LLGL1: variants seen among roughly 807,000 people sequenced by gnomAD.
LLGL1 encodes the protein LLGL scribble cell polarity complex component 1, also known as lethal(2) giant larvae protein homolog 1.
In LLGL1, 58 loss-of-function variants were observed where a neutral mutation model predicts 110.6. The ratio of observed to expected loss-of-function variants is 0.52; its 90% confidence interval spans 0.42 to 0.65. LLGL1 has a LOEUF of 0.65. LLGL1 is among the 30% of genes least tolerant of loss of function. The probability of loss-of-function intolerance (pLI) is 0.00; values close to 1 mark genes in which losing one functional copy is unlikely to be tolerated. For missense variants in LLGL1, 1,229 were observed against 1,462.1 expected (o/e 0.84, Z 2.60); for synonymous variants, 674 against 607.2 (o/e 1.11, Z -1.62).
At position 18,242,153 on chromosome 17, in the gene LLGL1, C is replaced by G; in HGVS notation, c.2883-13C>G. 1 of 1,605,616 alleles carries G rather than the reference C, an allele frequency of 6.2e-7. No individual in the cohort carries two copies. The highest frequency in any genetic ancestry group is 8.5e-7 in the Non-Finnish European group (1 of 1,172,458). The stretch of plus-strand genomic sequence containing the variant: ...ATCCACCTATGGTCCCCATCATGGC[C>G]CCATCTCTGCAGTTACAGGATCCGA... On this transcript the variant is annotated splice_polypyrimidine_tract_variant and intron_variant, in intron 19 of 22. Transcript: ENST00000316843.
chr17:18,243,415 C>T (rs936389982), intron 22 of LLGL1, among the ~76,000 whole-genome samples: 2 of 152,176 alleles, frequency 1.3e-5, no homozygotes, highest in South Asian at 4.1e-4. Flanking sequence ...CCAACAAGAC[C>T]AGATTAAACC....
At chr17:18,226,251 G>C (rs896856611) in intron 1 of LLGL1, among the ~76,000 whole-genome samples, 2 of 152,096 alleles carry the variant, frequency 1.3e-5, no homozygotes, top group Non-Finnish European at 2.9e-5. Flanking sequence ...GTCTCTCCCT[G>C]CGTGTCTCTC....
intron 15 of LLGL1, 71 bp from the exon 16 acceptor site, chr17:18,238,385 G>C: frequency 6.4e-7 from 1 of 1,571,268 alleles, no homozygotes; most frequent in South Asian, 1.2e-5. Flanking sequence ...GTAACAGAAC[G>C]TAGGGCGCAA....
At chr17:18,228,872 C>T (rs1005434973) in intron 1 of LLGL1, among the ~76,000 whole-genome samples, 3 of 151,808 alleles carry the variant, frequency 2.0e-5, no homozygotes, top group African/African-American at 7.3e-5. Context: ...TGTGACTTGC[C>T]CAAGGCCAGA....
intron 1 of LLGL1, 124 bp downstream of exon 1, chr17:18,225,887 G>A (rs2047426743): frequency 3.9e-6 from 1 of 257,424 alleles, no homozygotes; most frequent in East Asian, 1.8e-4. Flanking sequence ...CGCGGCGCGG[G>A]GCGGGGCCGG....
chr17:18,234,563 G>C (rs2047647198), intron 7 of LLGL1, 86 bp from the exon 8 acceptor site: 2 of 1,591,232 alleles, frequency 1.3e-6, no homozygotes, highest in African/African-American at 2.7e-5. Context: ...CAGCTGTAAG[G>C]TAGAGAGCAG....
rs2142673780 is a variant in LLGL1 at position 18,238,511 on chromosome 17, T to C, written c.2108T>C (p.Met703Thr). 1 of 1,612,642 alleles carries C rather than the reference T, an allele frequency of 6.2e-7. No individual in the cohort carries two copies. The highest frequency in any genetic ancestry group is 8.5e-7 in the Non-Finnish European group (1 of 1,180,002). The change falls in exon 16 of 23, where the codon ATG (methionine) becomes ACG (threonine). Residue 703 changes from methionine to threonine, a missense_variant. By Grantham distance (81) the Met-to-Thr change is moderately conservative (BLOSUM62 -1). Transcript: ENST00000316843. ...CAGGCCTGCCCCCACGACGTGGAGATGACGCCCGTGCAGCGCCGCATTGAG... is the reference window on the plus strand; with the variant it reads ...CAGGCCTGCCCCCACGACGTGGAGACGACGCCCGTGCAGCGCCGCATTGAG... ...AEQACPHDVE[M>T]TPVQRRIEPR...
Position 18,234,917 on chromosome 17 carries a change from C to T in LLGL1, c.984C>T (p.Ala328=), listed in dbSNP as rs775915395. ...GCCACTGTGTAAGTGTGCTTCGAGC[C>T]GAGACATTGGTGACGCTGGACTTCA... ...GDRHCVSVLR[A]ETLVTLDFTS... is the part of the protein sequence containing the mutation. The change falls in exon 9 of 23, where the codon GCC becomes GCT. Residue 328 remains alanine, a synonymous_variant. Coordinates refer to ENST00000316843, the MANE Select transcript of LLGL1 (RefSeq NM_004140.4). 2.2e-5 allele frequency: 35 copies of T among 1,613,948 alleles called. No homozygotes were observed. Among genetic ancestry groups the T allele is most frequent in the Non-Finnish European group, 2.8e-5 (33 of 1,180,002 alleles).
Position 18,233,880 on chromosome 17 carries a change from T to A in LLGL1, c.495T>A (p.Val165=). The A allele has an allele frequency of 1.9e-6, 3 of 1,613,718 alleles. No homozygotes were observed. The highest frequency in any genetic ancestry group is 2.5e-6 in the Non-Finnish European group (3 of 1,179,994). Residue 165 remains valine, a synonymous_variant, in exon 5 of 23, where the codon GTT becomes GTA. Transcript: ENST00000316843. ...TEGSSVFFLD[V]TTLTLLEGQT... ...GCAGCAGTGTCTTCTTCCTGGATGT[T>A]ACCACCCTGACCCTGCTCGAGGGGC...
intron 14 of LLGL1, 71 bp downstream of exon 14, chr17:18,237,844 T>A: frequency 6.6e-7 from 1 of 1,504,858 alleles, no homozygotes; most frequent in Non-Finnish European, 8.9e-7. Flanking sequence ...CGTTTCCACC[T>A]CTAGTGTTTG....
At position 18,235,293 on chromosome 17, in the gene LLGL1, A is replaced by T; in HGVS notation, c.1265A>T (p.Gln422Leu). Residue 422 changes from glutamine (Q) to leucine (L), a missense_variant, in exon 10 of 23, where the codon CAG becomes CTG. Transcript: ENST00000316843. Reference protein sequence around the residue: ...IVSAGEQQSPQPVSSALSWPI... With the variant: ...IVSAGEQQSPLPVSSALSWPI... ...AGCGCTGGCGAGCAGCAGAGCCCCCAGCCTGTCTCCAGTGCCTTGGTGTGT... is the reference window on the plus strand; with the variant it reads ...AGCGCTGGCGAGCAGCAGAGCCCCCTGCCTGTCTCCAGTGCCTTGGTGTGT... The T allele has an allele frequency of 6.2e-7, 1 of 1,610,578 alleles. No individual in the cohort carries two copies.
At chr17:18,231,125 A>G (rs1422017597) in intron 2 of LLGL1, among the ~76,000 whole-genome samples, 1 of 152,170 alleles carries the variant, frequency 6.6e-6, no homozygotes, top group Non-Finnish European at 1.5e-5. Flanking sequence ...AAGAACCTGA[A>G]GTGCAGATGA....
At chr17:18,238,821 G>A (rs998449986) in intron 16 of LLGL1, among the ~76,000 whole-genome samples, 11 of 152,156 alleles carry the variant, frequency 7.2e-5, no homozygotes, top group African/African-American at 2.7e-4. Context: ...GACCCGCCAG[G>A]CCAACATGGT....
Position 18,235,063 on chromosome 17 carries a change from C to T in LLGL1, c.1061-26C>T, listed in dbSNP as rs1405047761. On this transcript the variant is annotated intron_variant, in intron 9 of 22. Transcript: ENST00000316843. ...GCCCTCTGCCACCTATGGCTGTGCT[C>T]ACCCCATACTCCCTCCGTCCCACAG... The T allele has an allele frequency of 7.4e-6, 12 of 1,613,628 alleles. No homozygotes were observed. The Admixed American group carries it at 1.8e-4, about 25-fold the overall frequency.
chr17:18,242,677 CCTCCGTCCCCAGGGCTGCCAGGGG>C, intron 21 of LLGL1, 42 bp from the exon 22 acceptor site: 4 of 1,572,764 alleles, frequency 2.5e-6, no homozygotes, highest in Non-Finnish European at 1.7e-6. Context: ...GTCCCCTAGG[CCTCCGTCCCCAGGGCTGCCAGGGG>C]CTCCCCCGCC....
Position 18,236,953 on chromosome 17 carries a change from T to A in LLGL1, c.1611+14T>A. 6.2e-7 allele frequency: 1 copy of A among 1,601,534 alleles called. No homozygotes were observed. The highest frequency in any genetic ancestry group is 8.5e-7 in the Non-Finnish European group (1 of 1,171,488). On this transcript the variant is annotated intron_variant, in intron 13 of 22. Coordinates refer to ENST00000316843, the MANE Select transcript of LLGL1 (RefSeq NM_004140.4). The stretch of plus-strand genomic sequence containing the variant: ...ACTGCAGGCCAGGTAGGGCTGGGTG[T>A]CCCCTGGGTTGGAGATGTCAGGGAG...
intron 20 of LLGL1, 70 bp downstream of exon 20, chr17:18,242,348 A>T: frequency 6.4e-7 from 1 of 1,553,278 alleles, no homozygotes; most frequent in Non-Finnish European, 8.9e-7. Flanking sequence ...CGGGACTCAC[A>T]TAGCTCAGGG....
At chr17:18,228,271 T>A (rs12939851) in intron 1 of LLGL1, among the ~76,000 whole-genome samples, 117,641 of 152,218 alleles carry the variant, frequency 0.77, 45,664 homozygotes, top group African/African-American at 0.83. Context: ...AGGGTGGCCT[T>A]GGGAGGCTTC....
chr17:18,238,569 C>T lies in LLGL1; in HGVS notation c.2166C>T (p.Val722=), dbSNP rs374803099. ...PRSADDSLSG[V]VRCLYFADTF... is the part of the protein sequence containing the mutation. ...CTGCCGATGACTCCTTGTCGGGTGT[C>T]GTGCGTTGCCTATACTTTGCCGACA... The change falls in exon 16 of 23, where the codon GTC becomes GTT. Residue 722 remains valine, a synonymous_variant. Coordinates refer to ENST00000316843, the MANE Select transcript of LLGL1 (RefSeq NM_004140.4). The T allele has an allele frequency of 1.2e-5, 19 of 1,612,840 alleles. No homozygotes were observed. Among genetic ancestry groups the T allele is most frequent in the Non-Finnish European group, 1.4e-5 (16 of 1,180,010 alleles).
Sources: allele counts gnomAD v4.1 joint callset (sites outside exome capture counted in the v4.1 genomes callset), GRCh38; gene constraint gnomAD v4.1.1; transcripts MANE v1.5; gene names NCBI Gene and HGNC (gene_info 2026-07-23, HGNC 2026-07-21).